The following GNPTAB variants were observed in gnomAD, a reference collection of about 807,000 sequenced individuals.
GNPTAB encodes the protein N-acetylglucosamine-1-phosphotransferase subunits alpha/beta.
Under a neutral mutation model 136.6 loss-of-function variants are expected in GNPTAB, and 92 were observed. The observed-to-expected ratio is 0.67, with a 90% confidence interval of 0.57 to 0.80. The LOEUF is 0.80. GNPTAB is among the 30% of genes least tolerant of loss of function. The probability of loss-of-function intolerance (pLI) is 0.00; values close to 1 mark genes in which losing one functional copy is unlikely to be tolerated. For missense variants in GNPTAB, 1,343 were observed against 1,501.8 expected (o/e 0.89, Z 1.75); for synonymous variants, 512 against 535.1 (o/e 0.96, Z 0.60).
chr12:101,820,884 C>T (rs919441837), intron 1 of GNPTAB, among the ~76,000 whole-genome samples: 1 of 151,952 alleles, frequency 6.6e-6, no homozygotes, highest in Non-Finnish European at 1.5e-5. Context: ...CAGTGAAACC[C>T]CATCTCTATT....
At chr12:101,818,977 C>T (rs1445393990) in intron 1 of GNPTAB, among the ~76,000 whole-genome samples, 2 of 152,026 alleles carry the variant, frequency 1.3e-5, no homozygotes, top group Non-Finnish European at 2.9e-5. Context: ...AAGGCATCCC[C>T]AGCCATGTGG....
intron 1 of GNPTAB, among the ~76,000 whole-genome samples, chr12:101,808,687 C>T (rs1870068760): frequency 6.6e-6 from 1 of 152,244 alleles, no homozygotes; most frequent in African/African-American, 2.4e-5. Flanking sequence ...TGGCTCATGC[C>T]TGTAATCCCA....
chr12:101,747,262 A>G (rs1271244771), intron 20 of GNPTAB, 21 bp from the exon 21 acceptor site: 1 of 1,334,604 alleles, frequency 7.5e-7, no homozygotes, highest in East Asian at 2.3e-5. Context: ...AAAGACAGAA[A>G]ATACATTTTA....
At chr12:101,763,407 C>T (rs144038273) in intron 13 of GNPTAB, among the ~76,000 whole-genome samples, 46 of 152,182 alleles carry the variant, frequency 3.0e-4, no homozygotes, top group Middle Eastern at 6.8e-3. Flanking sequence ...GCCTAACACC[C>T]ACTCGTGGCT....
chr12:101,796,306 T>A (rs1869283499), intron 2 of GNPTAB: 3 of 702,320 alleles, frequency 4.3e-6, no homozygotes, highest in Non-Finnish European at 7.8e-6. Flanking sequence ...AGGTACCCAA[T>A]AAACTACAAG....
intron 1 of GNPTAB, among the ~76,000 whole-genome samples, chr12:101,830,322 A>T (rs1871301503): frequency 6.6e-6 from 1 of 152,178 alleles, no homozygotes; most frequent in South Asian, 2.1e-4. Flanking sequence ...GCACACGTTT[A>T]TGATAAAGAA....
At chr12:101,796,163 G>C in intron 2 of GNPTAB, 2 of 697,918 alleles carry the variant, frequency 2.9e-6, no homozygotes, top group Non-Finnish European at 5.2e-6. Flanking sequence ...TTCACAGGAC[G>C]CTGTCAACAG....
intron 2 of GNPTAB, among the ~76,000 whole-genome samples, chr12:101,791,318 C>G (rs993091789): frequency 5.3e-5 from 8 of 152,164 alleles, no homozygotes; most frequent in African/African-American, 1.9e-4. Context: ...ACTTATGACA[C>G]AGGAGTTCAT....
intron 7 of GNPTAB, among the ~76,000 whole-genome samples, chr12:101,777,004 C>G (rs1953271354): frequency 6.6e-6 from 1 of 152,252 alleles, no homozygotes; most frequent in African/African-American, 2.4e-5. Flanking sequence ...ACATCCGAAA[C>G]TGAGCTCTGG....
intron 5 of GNPTAB, chr12:101,785,750 G>A (rs1440495349): frequency 2.3e-6 from 1 of 438,788 alleles, no homozygotes; most frequent in East Asian, 4.4e-5. Context: ...AGAGCCAAGA[G>A]AACAAGGTAA....
chr12:101,778,304 C>T (rs1953288852), intron 7 of GNPTAB: 1 of 152,110 alleles, frequency 6.6e-6, no homozygotes, highest in Non-Finnish European at 1.5e-5. Context: ...TTCTTTTCAG[C>T]ATTTATTTTA....
chr12:101,747,264 T>C, intron 20 of GNPTAB, 23 bp from the exon 21 acceptor site: 2 of 1,334,178 alleles, frequency 1.5e-6, no homozygotes, highest in Non-Finnish European at 2.2e-6. Flanking sequence ...AGACAGAAAA[T>C]ACATTTTAAT....
chr12:101,821,651 C>T (rs1302863034), intron 1 of GNPTAB, among the ~76,000 whole-genome samples: 1 of 152,126 alleles, frequency 6.6e-6, no homozygotes, highest in Non-Finnish European at 1.5e-5. Flanking sequence ...ACGCCTGCTC[C>T]ACCTCATTCA....
chr12:101,781,341 A>G (rs1297416771), intron 5 of GNPTAB, among the ~76,000 whole-genome samples: 1 of 152,154 alleles, frequency 6.6e-6, no homozygotes, highest in African/African-American at 2.4e-5. Flanking sequence ...GCCTGATGAG[A>G]TGAGATGTCA....
intron 16 of GNPTAB, among the ~76,000 whole-genome samples, chr12:101,758,550 T>C (rs1952938554): frequency 6.6e-6 from 1 of 152,244 alleles, no homozygotes; most frequent in Admixed American, 6.5e-5. Flanking sequence ...TGATACCAGG[T>C]CTTACTCCTC....
chr12:101,809,660 A>G (rs1870115063), intron 1 of GNPTAB, among the ~76,000 whole-genome samples: 1 of 152,250 alleles, frequency 6.6e-6, no homozygotes, highest in Non-Finnish European at 1.5e-5. Context: ...TGAAAAGGTT[A>G]CATATTATGT....
At chr12:101,774,164 G>A (rs1173017638) in intron 7 of GNPTAB, among the ~76,000 whole-genome samples, 1 of 152,174 alleles carries the variant, frequency 6.6e-6, no homozygotes, top group African/African-American at 2.4e-5. Flanking sequence ...CTGAGGCCAG[G>A]GCCTGGGTAG....
intron 19 of GNPTAB, 37 bp from the exon 20 acceptor site, chr12:101,749,228 A>G: frequency 1.7e-6 from 2 of 1,195,970 alleles, no homozygotes; most frequent in Admixed American, 3.4e-5. Context: ...GTACTTCTGT[A>G]TATGGTTTCA....
chr12:101,759,220 G>A (rs897747745), intron 16 of GNPTAB, among the ~76,000 whole-genome samples: 4 of 151,934 alleles, frequency 2.6e-5, no homozygotes, highest in Admixed American at 2.0e-4. Context: ...AAAATTAGCC[G>A]GGCGTGGTGG....
Sources: allele counts gnomAD v4.1 joint callset (sites outside exome capture counted in the v4.1 genomes callset), GRCh38; gene constraint gnomAD v4.1.1; transcripts MANE v1.5; gene names NCBI Gene and HGNC (gene_info 2026-07-23, HGNC 2026-07-21).